ROBO1: variants seen among roughly 807,000 people sequenced by gnomAD.
The protein encoded by ROBO1 is roundabout guidance receptor 1.
Under a neutral mutation model 195.9 loss-of-function variants are expected in ROBO1, and 149 were observed. The ratio of observed to expected loss-of-function variants is 0.76; its 90% CI spans 0.67 to 0.87. ROBO1 has a LOEUF of 0.87. Among genes scored for constraint, ROBO1 ranks in the 40% least tolerant of loss-of-function variants. The probability of loss-of-function intolerance (pLI) is 0.00; values close to 1 mark genes in which losing one functional copy is unlikely to be tolerated. For synonymous variants in ROBO1, 816 were observed against 733.2 expected (o/e 1.11, Z -1.82); for missense variants, 1,933 against 2,068.3 (o/e 0.93, Z 1.27).
chr3:78,920,091 A>G (rs2107590487), intron 4 of ROBO1, among the ~76,000 whole-genome samples: 1 of 152,322 alleles, frequency 6.6e-6, no homozygotes, highest in Non-Finnish European at 1.5e-5. Flanking sequence ...AAAACTGCGT[A>G]TTTTGCAACA....
intron 2 of ROBO1, among the ~76,000 whole-genome samples, chr3:79,474,109 G>A (rs1246934530): frequency 6.6e-6 from 1 of 152,040 alleles, no homozygotes; most frequent in East Asian, 1.9e-4. Flanking sequence ...TTGCAGAAGC[G>A]AGATACATGT....
At chr3:78,715,535 C>A (rs982537611) in intron 7 of ROBO1, among the ~76,000 whole-genome samples, 3 of 152,052 alleles carry the variant, frequency 2.0e-5, no homozygotes, top group Admixed American at 6.6e-5. Flanking sequence ...AATTTTTCTT[C>A]TTATTATTTT....
chr3:79,154,429 T>C (rs1276351161), intron 2 of ROBO1, among the ~76,000 whole-genome samples: 1 of 151,784 alleles, frequency 6.6e-6, no homozygotes, highest in Non-Finnish European at 1.5e-5. Flanking sequence ...GAAGTTTTTT[T>C]CCCCTTTGTT....
At chr3:78,891,140 A>G (rs894338065) in intron 4 of ROBO1, among the ~76,000 whole-genome samples, 28 of 152,228 alleles carry the variant, frequency 1.8e-4, no homozygotes, top group Non-Finnish European at 3.4e-4. Context: ...TGATTACATT[A>G]CAGTTTCAGT....
intron 2 of ROBO1, among the ~76,000 whole-genome samples, chr3:79,326,759 T>G (rs1415473702): frequency 6.6e-6 from 1 of 152,204 alleles, no homozygotes; most frequent in Non-Finnish European, 1.5e-5. Context: ...TCTTTAAAAC[T>G]AAAAGTAAAC....
At chr3:79,395,417 G>C (rs1305111248) in intron 2 of ROBO1, among the ~76,000 whole-genome samples, 1 of 151,026 alleles carries the variant, frequency 6.6e-6, no homozygotes, top group African/African-American at 2.4e-5. Context: ...TTGAAGTCTT[G>C]GCATCCTAGG....
At chr3:79,718,572 A>T (rs974698418) in intron 1 of ROBO1, among the ~76,000 whole-genome samples, 5 of 152,010 alleles carry the variant, frequency 3.3e-5, no homozygotes, top group Non-Finnish European at 5.9e-5. Context: ...CAAAATGATA[A>T]ACCATAGTGT....
intron 2 of ROBO1, among the ~76,000 whole-genome samples, chr3:79,501,814 T>A (rs1021851760): frequency 6.6e-6 from 1 of 152,196 alleles, no homozygotes; most frequent in Non-Finnish European, 1.5e-5. Flanking sequence ...ACATACATGC[T>A]TCCAAGGCCA....
intron 2 of ROBO1, among the ~76,000 whole-genome samples, chr3:79,298,805 C>T (rs1364661637): frequency 1.3e-5 from 2 of 152,014 alleles, no homozygotes; most frequent in African/African-American, 4.8e-5. Flanking sequence ...ATTTATATTA[C>T]TGAAGGAATT....
At chr3:79,101,818 A>C (rs1488755246) in intron 3 of ROBO1, among the ~76,000 whole-genome samples, 1 of 151,968 alleles carries the variant, frequency 6.6e-6, no homozygotes, top group Non-Finnish European at 1.5e-5. Flanking sequence ...GTTTGAATCT[A>C]AACATTTTAG....
intron 2 of ROBO1, among the ~76,000 whole-genome samples, chr3:79,407,778 T>C (rs2037605691): frequency 6.6e-6 from 1 of 152,108 alleles, no homozygotes; most frequent in African/African-American, 2.4e-5. Context: ...ATTGTTAAAT[T>C]ATTATATACT....
chr3:79,695,232 A>G (rs956593898), intron 1 of ROBO1, among the ~76,000 whole-genome samples: 9 of 151,606 alleles, frequency 5.9e-5, no homozygotes, highest in African/African-American at 2.2e-4. Flanking sequence ...CAATAAGATG[A>G]ATAAAAGACA....
At chr3:78,816,715 G>A (rs1220770496) in intron 4 of ROBO1, among the ~76,000 whole-genome samples, 1 of 152,158 alleles carries the variant, frequency 6.6e-6, no homozygotes, top group Non-Finnish European at 1.5e-5. Flanking sequence ...TAAAGTAATT[G>A]CAAATGTGAT....
At chr3:79,386,520 T>C (rs7621474) in intron 2 of ROBO1, among the ~76,000 whole-genome samples, 1,676 of 152,196 alleles carry the variant, frequency 0.011, 31 homozygotes, top group African/African-American at 0.038. Context: ...GGTCAGTTAT[T>C]GTGCTAAATG....
intron 11 of ROBO1, among the ~76,000 whole-genome samples, chr3:78,669,079 T>C (rs551947504): frequency 4.6e-5 from 7 of 152,318 alleles, no homozygotes; most frequent in Admixed American, 3.9e-4. Context: ...TTAAAACTTG[T>C]AACTTAAGGC....
At chr3:78,794,780 C>T (rs916465430) in intron 4 of ROBO1, among the ~76,000 whole-genome samples, 10 of 152,028 alleles carry the variant, frequency 6.6e-5, no homozygotes, top group Admixed American at 6.5e-5. Flanking sequence ...CAGAGTTTTG[C>T]CATATTGCCC....
chr3:79,069,060 A>C (rs1275751283), intron 3 of ROBO1, among the ~76,000 whole-genome samples: 1 of 151,802 alleles, frequency 6.6e-6, no homozygotes, highest in Non-Finnish European at 1.5e-5. Context: ...CTTTTTGATC[A>C]CTTCTGAAAT....
chr3:78,743,168 A>C (rs1206113219), intron 5 of ROBO1, among the ~76,000 whole-genome samples: 1 of 152,172 alleles, frequency 6.6e-6, no homozygotes, highest in Non-Finnish European at 1.5e-5. Context: ...ACATGACATT[A>C]AAAAGAGTCG....
intron 10 of ROBO1, among the ~76,000 whole-genome samples, chr3:78,682,399 C>A: frequency 6.7e-6 from 1 of 149,002 alleles, no homozygotes; most frequent in South Asian, 2.1e-4. Flanking sequence ...TTACATATAT[C>A]AAAAAATATA....
Sources: allele counts gnomAD v4.1 joint callset (sites outside exome capture counted in the v4.1 genomes callset), GRCh38; gene constraint gnomAD v4.1.1; transcripts MANE v1.5; gene names NCBI Gene and HGNC (gene_info 2026-07-23, HGNC 2026-07-21).